SLC9B1: variants seen among roughly 807,000 people sequenced by gnomAD.
SLC9B1 encodes the protein sodium/hydrogen exchanger 9B1.
Under a neutral mutation model 51.7 loss-of-function variants are expected in SLC9B1, and 32 were observed. The ratio of observed to expected loss-of-function variants is 0.62; its 90% CI spans 0.47 to 0.83. The LOEUF is 0.83. SLC9B1 is among the 40% of genes least tolerant of loss of function. The probability of loss-of-function intolerance (pLI) is 0.00; values close to 1 mark genes in which losing one functional copy is unlikely to be tolerated. For synonymous variants in SLC9B1, 145 were observed against 212.7 expected (o/e 0.68, Z 2.77); for missense variants, 406 against 613.2 (o/e 0.66, Z 3.57).
intron 7 of SLC9B1, chr4:102,912,193 G>A (rs1735374069): frequency 6.6e-6 from 1 of 152,530 alleles, no homozygotes; most frequent in Non-Finnish European, 1.5e-5. Flanking sequence ...CGAAACACTT[G>A]TGGCACTTAG....
chr4:102,890,156 G>C (rs566418032), intron 11 of SLC9B1: 2 of 152,302 alleles, frequency 1.3e-5, no homozygotes, highest in East Asian at 3.9e-4. Flanking sequence ...ATTATGGAAA[G>C]CACCTCACAA....
chr4:102,957,204 A>T (rs1439326220), intron 3 of SLC9B1, among the ~76,000 whole-genome samples: 5 of 152,176 alleles, frequency 3.3e-5, no homozygotes, highest in Non-Finnish European at 5.9e-5. Context: ...GAGCACTAAC[A>T]TATGCATAAT....
intron 6 of SLC9B1, among the ~76,000 whole-genome samples, chr4:102,939,774 C>T (rs1391710173): frequency 6.6e-6 from 1 of 152,168 alleles, no homozygotes; most frequent in East Asian, 1.9e-4. Flanking sequence ...AAATGTGATT[C>T]ATCATATAAT....
At chr4:102,990,083 C>G in intron 2 of SLC9B1, 142 bp from the exon 3 acceptor site, 1 of 664,346 alleles carries the variant, frequency 1.5e-6, no homozygotes, top group South Asian at 2.1e-5. Flanking sequence ...GATTCATGCT[C>G]CATATCAGTA....
intron 1 of SLC9B1, among the ~76,000 whole-genome samples, chr4:102,995,512 G>T (rs919974841): frequency 3.3e-5 from 5 of 152,110 alleles, no homozygotes; most frequent in African/African-American, 1.2e-4. Context: ...TGGAACCCAG[G>T]CAAGCAGACT....
intron 1 of SLC9B1, among the ~76,000 whole-genome samples, chr4:102,994,299 C>A (rs535078999): frequency 6.6e-6 from 1 of 152,300 alleles, no homozygotes; most frequent in Admixed American, 6.5e-5. Flanking sequence ...ATCTCTGGGG[C>A]AGAGGCAAAA....
At position 103,019,639 on chromosome 4, in the gene SLC9B1, C is replaced by T. The variant is rs569163342; in HGVS notation, c.-42G>A. On this transcript the variant is annotated 5_prime_UTR_variant, in exon 1 of 12. Coordinates refer to ENST00000296422, the MANE Select transcript of SLC9B1 (RefSeq NM_139173.4). ...CAGCCCTCGCTGGCCCGGGAGCGGC[C>T]CAGGAGCCCAGTGACCGTTGCGTAA... is the stretch of plus-strand genomic sequence containing the variant. 1,113 of 985,452 alleles carry T rather than the reference C, an allele frequency of 1.1e-3. 1 individual carries two copies. The highest frequency in any genetic ancestry group is 1.3e-3 in the Non-Finnish European group (1,088 of 829,962). 61.0% of individuals were successfully genotyped at this position (985,452 alleles called of 1,614,324 possible). A position where few individuals can be genotyped will look rare whatever the true frequency, so the allele number is the denominator to read the frequency against.
intron 7 of SLC9B1, among the ~76,000 whole-genome samples, chr4:102,916,247 A>C (rs928883255): frequency 2.0e-5 from 3 of 152,214 alleles, no homozygotes; most frequent in Non-Finnish European, 4.4e-5. Context: ...AGGATGGAAA[A>C]AGATATTCAA....
At chr4:102,921,862 T>C (rs1486447583) in intron 7 of SLC9B1, among the ~76,000 whole-genome samples, 1 of 152,218 alleles carries the variant, frequency 6.6e-6, no homozygotes, top group African/African-American at 2.4e-5. Context: ...AAGAGCTAAC[T>C]ATCCTAAATA....
chr4:102,989,741 T>C (rs1739847714), intron 3 of SLC9B1, 59 bp downstream of exon 3: 1 of 1,234,766 alleles, frequency 8.1e-7, no homozygotes, highest in East Asian at 2.5e-5. Flanking sequence ...TCTCATGTTT[T>C]AATATTTATC....
chr4:102,894,969 T>G (rs1272607217), intron 11 of SLC9B1, among the ~76,000 whole-genome samples: 5 of 152,186 alleles, frequency 3.3e-5, no homozygotes, highest in Non-Finnish European at 5.9e-5. Flanking sequence ...AACATAAATC[T>G]AAAATTATAT....
intron 1 of SLC9B1, among the ~76,000 whole-genome samples, chr4:103,008,197 A>G (rs1160728544): frequency 1.3e-5 from 2 of 152,226 alleles, no homozygotes; most frequent in Non-Finnish European, 2.9e-5. Context: ...AGATGTTTGT[A>G]CAACTTATAG....
intron 11 of SLC9B1, among the ~76,000 whole-genome samples, chr4:102,893,682 G>A (rs1470145835): frequency 6.6e-6 from 1 of 152,090 alleles, no homozygotes; most frequent in Non-Finnish European, 1.5e-5. Flanking sequence ...CCAGCACTTT[G>A]GGAAGCCAAG....
At chr4:102,927,229 C>T (rs771962496) in intron 7 of SLC9B1, among the ~76,000 whole-genome samples, 19 of 152,196 alleles carry the variant, frequency 1.2e-4, no homozygotes, top group Non-Finnish European at 2.6e-4. Flanking sequence ...GTAATGGCAA[C>T]AGAAGCCAAA....
At chr4:102,980,534 C>G (rs1337323815) in intron 3 of SLC9B1, among the ~76,000 whole-genome samples, 2 of 151,814 alleles carry the variant, frequency 1.3e-5, no homozygotes, top group African/African-American at 2.4e-5. Flanking sequence ...TATGTGGGAG[C>G]TGAATGATGA....
chr4:102,888,563 A>ATCTT (rs1162347734), intron 11 of SLC9B1: 3 of 152,258 alleles, frequency 2.0e-5, no homozygotes, highest in Non-Finnish European at 4.4e-5. Flanking sequence ...GTACTGGAGA[A>ATCTT]TCTTTAAAAT....
At chr4:102,957,984 A>T (rs911443788) in intron 3 of SLC9B1, among the ~76,000 whole-genome samples, 4 of 152,200 alleles carry the variant, frequency 2.6e-5, no homozygotes, top group African/African-American at 9.7e-5. Flanking sequence ...ATGATTGATT[A>T]TTATAACCCC....
chr4:102,912,244 T>G (rs1055716521), intron 7 of SLC9B1: 9 of 152,052 alleles, frequency 5.9e-5, no homozygotes, highest in African/African-American at 1.7e-4. Context: ...TCTTCTTTCA[T>G]GTACTATATG....
chr4:102,926,348 C>T (rs1736173679), intron 7 of SLC9B1, among the ~76,000 whole-genome samples: 1 of 152,218 alleles, frequency 6.6e-6, no homozygotes, highest in Admixed American at 6.5e-5. Flanking sequence ...TTAGAAAACC[C>T]CATCATCTCA....
Sources: gnomAD v4.1 joint callset for allele counts (sites outside exome capture counted in the v4.1 genomes callset) on GRCh38, gnomAD v4.1.1 for gene constraint, MANE v1.5 for transcripts, NCBI Gene and HGNC (gene_info 2026-07-23, HGNC 2026-07-21) for gene names.